The following STAU2 variants were observed in gnomAD, a reference collection of about 807,000 sequenced individuals.
STAU2 encodes the protein double-stranded RNA-binding protein Staufen homolog 2.
STAU2 carries 20 observed loss-of-function variants against 65.9 expected under a neutral mutation model. That is an observed-to-expected ratio of 0.30 (90% confidence interval 0.21 to 0.44). STAU2 has a LOEUF of 0.44. STAU2 is among the 20% of genes least tolerant of loss of function. The pLI is 1.00. For synonymous variants in STAU2, 232 were observed against 233.9 expected, an observed-to-expected ratio of 0.99 and a Z score of 0.07; for missense variants, 558 against 683.9, an observed-to-expected ratio of 0.82 and a Z score of 2.05.
chr8:73,716,348 C>T (rs1821252385), intron 3 of STAU2, among the ~76,000 whole-genome samples: 1 of 152,182 alleles, frequency 6.6e-6, no homozygotes, highest in African/African-American at 2.4e-5. Flanking sequence ...CCTCGGCCTC[C>T]CAAAGTGCTG....
chr8:73,421,405 A>G lies in STAU2; in HGVS notation c.1680T>C (p.Ala560=), dbSNP rs1372788747. Residue 560 remains alanine (A), a synonymous_variant, in exon 15 of 15, where the codon GCT becomes GCC. Transcript: ENST00000524300. The part of the protein sequence containing the change: ...DNNQAPPGSI[A]QDCKKSNSAV ...CCGAGTTTGATTTCTTGCAGTCCTG[A>G]GCGATGGAGCCCGGGGGTGCCTGGT... The G allele has an allele frequency of 1.3e-6, 2 of 1,537,108 alleles. No homozygotes were observed. The highest frequency in any genetic ancestry group is 1.7e-6 in the Non-Finnish European group (2 of 1,146,906).
At position 73,421,459 on chromosome 8, in the gene STAU2, G is replaced by T. The variant is rs1178512711; in HGVS notation, c.1626C>A (p.Ala542=). Reference sequence around the variant, plus strand: ...TGTCCGCTTTCTCTCTCAGATGCTTGGCTTGTCTGAAAGATTAATACATTA... The same window carrying T: ...TGTCCGCTTTCTCTCTCAGATGCTTTGCTTGTCTGAAAGATTAATACATTA... ...NIEKGSLEKQ[A]KHLREKADNN... Residue 542 remains alanine (A), a synonymous_variant, in exon 15 of 15, where the codon GCC becomes GCA. Transcript: ENST00000524300. 3 of 1,537,248 alleles carry T rather than the reference G, an allele frequency of 2.0e-6. No individual in the cohort carries two copies. Among genetic ancestry groups the T allele is most frequent in the Non-Finnish European group, 2.6e-6 (3 of 1,146,904 alleles).
At chr8:73,520,052 C>A (rs1272975315) in intron 13 of STAU2, among the ~76,000 whole-genome samples, 1 of 152,164 alleles carries the variant, frequency 6.6e-6, no homozygotes, top group Non-Finnish European at 1.5e-5. Flanking sequence ...GAGAATGGGC[C>A]AGGCAGAGGG....
chr8:73,512,938 T>A (rs1230894265), intron 13 of STAU2, among the ~76,000 whole-genome samples: 1 of 152,220 alleles, frequency 6.6e-6, no homozygotes, highest in Non-Finnish European at 1.5e-5. Flanking sequence ...TTTCGTTTAA[T>A]CCTGGTTTTC....
intron 12 of STAU2, among the ~76,000 whole-genome samples, chr8:73,569,939 C>T (rs12114820): frequency 0.011 from 1,749 of 152,192 alleles, 24 homozygotes; most frequent in African/African-American, 0.04. Flanking sequence ...TCGCCAGCAA[C>T]GGAAAAAAGC....
intron 13 of STAU2, among the ~76,000 whole-genome samples, chr8:73,466,106 G>A (rs952218589): frequency 5.3e-5 from 8 of 152,162 alleles, no homozygotes; most frequent in African/African-American, 1.4e-4. Context: ...CTAATTCATC[G>A]AACACAAGAA....
intron 13 of STAU2, among the ~76,000 whole-genome samples, chr8:73,455,718 T>C (rs1216606370): frequency 2.0e-5 from 3 of 152,218 alleles, no homozygotes; most frequent in African/African-American, 7.2e-5. Context: ...TGTCTGTCCT[T>C]TGCACTTCCA....
At chr8:73,732,750 C>T (rs1326759043) in intron 3 of STAU2, 1 of 152,200 alleles carries the variant, frequency 6.6e-6, no homozygotes, top group East Asian at 1.9e-4. Context: ...CCAATCTGGG[C>T]TTGAGAAAGT....
intron 9 of STAU2, among the ~76,000 whole-genome samples, chr8:73,604,561 C>T (rs928457010): frequency 1.3e-5 from 2 of 151,802 alleles, no homozygotes; most frequent in African/African-American, 2.4e-5. Context: ...AAGACGTATC[C>T]GGTATCCAAA....
chr8:73,482,533 G>T (rs116363980), intron 13 of STAU2, among the ~76,000 whole-genome samples: 3,022 of 152,194 alleles, frequency 0.02, 91 homozygotes, highest in African/African-American at 0.07. Context: ...CTATGCCAAA[G>T]AAGCTCTTTT....
chr8:73,444,196 C>T (rs756409974), intron 13 of STAU2, among the ~76,000 whole-genome samples: 3 of 152,014 alleles, frequency 2.0e-5, no homozygotes, highest in Admixed American at 6.5e-5. Flanking sequence ...CACTTGAGGT[C>T]GGGAGTTCGA....
intron 13 of STAU2, among the ~76,000 whole-genome samples, chr8:73,424,009 A>G (rs894480779): frequency 6.6e-6 from 1 of 152,162 alleles, no homozygotes; most frequent in Non-Finnish European, 1.5e-5. Context: ...ATCATATAAA[A>G]TAGTTCCACA....
At chr8:73,722,281 T>C (rs1245076087) in intron 3 of STAU2, among the ~76,000 whole-genome samples, 1 of 152,154 alleles carries the variant, frequency 6.6e-6, no homozygotes, top group East Asian at 1.9e-4. Flanking sequence ...AAGCAGTCAC[T>C]TATCTTTTAA....
chr8:73,702,075 T>C (rs552354831), intron 4 of STAU2, among the ~76,000 whole-genome samples: 340 of 151,952 alleles, frequency 2.2e-3, no homozygotes, highest in Non-Finnish European at 3.9e-3. Flanking sequence ...TTACTAGAGA[T>C]TGGGAAAGGT....
chr8:73,445,951 T>C (rs922952836), intron 13 of STAU2, among the ~76,000 whole-genome samples: 1 of 152,168 alleles, frequency 6.6e-6, no homozygotes, highest in African/African-American at 2.4e-5. Flanking sequence ...TCACTTACCA[T>C]ACAACCTAGC....
At chr8:73,717,792 T>C (rs1190237002) in intron 3 of STAU2, among the ~76,000 whole-genome samples, 1 of 138,212 alleles carries the variant, frequency 7.2e-6, no homozygotes, top group Non-Finnish European at 1.6e-5. Flanking sequence ...CAAACTATTT[T>C]ACAGCTTTTA....
chr8:73,454,966 A>G (rs1204731170), intron 13 of STAU2, among the ~76,000 whole-genome samples: 3 of 152,166 alleles, frequency 2.0e-5, no homozygotes, highest in Non-Finnish European at 4.4e-5. Context: ...GGAGAGAGGT[A>G]GTTTAGGCAG....
intron 13 of STAU2, among the ~76,000 whole-genome samples, chr8:73,430,834 T>C (rs915907897): frequency 1.3e-5 from 2 of 152,196 alleles, no homozygotes; most frequent in Non-Finnish European, 2.9e-5. Flanking sequence ...GCATTATAAA[T>C]ATGCTACATA....
intron 6 of STAU2, chr8:73,669,249 T>C (rs1433586833): frequency 3.5e-5 from 20 of 570,580 alleles, no homozygotes; most frequent in East Asian, 3.1e-4. Flanking sequence ...CGATATTCTT[T>C]TTACCTTTTT....
Sources: allele counts gnomAD v4.1 joint callset (sites outside exome capture counted in the v4.1 genomes callset), GRCh38; gene constraint gnomAD v4.1.1; transcripts MANE v1.5; gene names NCBI Gene and HGNC (gene_info 2026-07-23, HGNC 2026-07-21).